Variants in KCNIP4 observed in about 807,000 individuals in gnomAD.
KCNIP4 encodes the protein Kv channel-interacting protein 4.
KCNIP4 carries 12 observed loss-of-function variants against 34.0 expected under a neutral mutation model. The observed-to-expected ratio is 0.35, with a 90% CI of 0.23 to 0.57. The LOEUF is 0.57. Ranked by LOEUF, KCNIP4 falls within the 20% of genes least tolerant of loss-of-function variation. KCNIP4 has a pLI of 0.83. For missense variants in KCNIP4, 238 were observed against 311.7 expected (o/e 0.76, Z 1.78); for synonymous variants, 124 against 102.2 (o/e 1.21, Z -1.29).
chr4:21,816,201 C>A (rs1343936515), intron 1 of KCNIP4, among the ~76,000 whole-genome samples: 1 of 152,146 alleles, frequency 6.6e-6, no homozygotes, highest in African/African-American at 2.4e-5. Flanking sequence ...AGAAGGGACA[C>A]TGCAAAAATG....
chr4:21,070,876 C>T (rs980061695), intron 1 of KCNIP4, among the ~76,000 whole-genome samples: 9 of 151,674 alleles, frequency 5.9e-5, no homozygotes, highest in East Asian at 2.0e-4. Context: ...GGGGTTTCAC[C>T]GTGTTAGCCA....
chr4:21,527,871 T>C (rs1393579379), intron 1 of KCNIP4, among the ~76,000 whole-genome samples: 2 of 152,148 alleles, frequency 1.3e-5, no homozygotes, highest in Non-Finnish European at 2.9e-5. Context: ...TTAACTACTG[T>C]ACCACAGGGT....
chr4:20,729,254 C>T lies in KCNIP4; in HGVS notation c.*828G>A, dbSNP rs1303822366. The T allele has an allele frequency of 3.3e-5, 5 of 151,760 alleles. No homozygotes were observed. The highest frequency in any genetic ancestry group is 5.9e-5 in the Non-Finnish European group (4 of 67,928). 9.4% of individuals were successfully genotyped at this position (151,760 alleles called of 1,614,324 possible). The stretch of plus-strand genomic sequence containing the variant: ...ATACTGGAGGATAGATATCCTGACC[C>T]TTTGCATATGTCTGTAAACATCCTT... On this transcript the variant is annotated 3_prime_UTR_variant, in exon 9 of 9. Coordinates refer to ENST00000382152, the MANE Select transcript of KCNIP4 (RefSeq NM_025221.6).
At chr4:20,909,741 C>T (rs1264843078) in intron 1 of KCNIP4, among the ~76,000 whole-genome samples, 1 of 152,130 alleles carries the variant, frequency 6.6e-6, no homozygotes, top group East Asian at 1.9e-4. Flanking sequence ...TGAGGTGATA[C>T]AATGAGACAC....
chr4:21,279,401 A>G (rs1406786081), intron 1 of KCNIP4, among the ~76,000 whole-genome samples: 1 of 151,924 alleles, frequency 6.6e-6, no homozygotes, highest in Non-Finnish European at 1.5e-5. Context: ...TCAATATTAA[A>G]TAAAAATATT....
intron 1 of KCNIP4, among the ~76,000 whole-genome samples, chr4:21,876,653 A>C (rs1390487410): frequency 6.6e-6 from 1 of 152,230 alleles, no homozygotes; most frequent in African/African-American, 2.4e-5. Context: ...AATAGATTTC[A>C]AGCAGACTGC....
At position 20,751,124 on chromosome 4, in the gene KCNIP4, A is replaced by G. The variant is rs189505300; in HGVS notation, c.359-1392T>C. 6.0e-4 allele frequency among the ~76,000 whole-genome samples: 91 copies of G among 152,312 alleles called. 1 individual carries two copies. The highest frequency in any genetic ancestry group is 2.1e-4 in the South Asian group (1 of 4,824). ...TTTCATGAGGTAGACTGTACACTCA[A>G]TTTCTCAAAATGACAGTGGCATCTT... On this transcript the variant is annotated intron_variant, in intron 4 of 8. Transcript: ENST00000382152.
intron 1 of KCNIP4, among the ~76,000 whole-genome samples, chr4:21,119,645 A>AT (rs1376461897): frequency 1.3e-5 from 2 of 151,906 alleles, no homozygotes; most frequent in Non-Finnish European, 2.9e-5. Flanking sequence ...CCTAATGTAC[A>AT]TTTTTAAATC....
At chr4:21,691,613 C>A (rs1049023616) in intron 1 of KCNIP4, among the ~76,000 whole-genome samples, 1 of 150,996 alleles carries the variant, frequency 6.6e-6, no homozygotes, top group Non-Finnish European at 1.5e-5. Flanking sequence ...AGTACTTAAA[C>A]GAGGCACTGA....
At chr4:20,882,490 T>C (rs1724804403) in intron 2 of KCNIP4, 118 bp downstream of exon 2, 2 of 719,410 alleles carry the variant, frequency 2.8e-6, no homozygotes, top group African/African-American at 1.8e-5. Flanking sequence ...CATGAGTACA[T>C]CAATAGATTG....
intron 1 of KCNIP4, among the ~76,000 whole-genome samples, chr4:21,711,571 G>C (rs1006677073): frequency 2.6e-5 from 4 of 152,148 alleles, no homozygotes; most frequent in African/African-American, 9.7e-5. Context: ...ACTAAAATGT[G>C]TAAAAATATA....
chr4:21,464,866 A>C (rs913080525), intron 1 of KCNIP4: 1 of 152,014 alleles, frequency 6.6e-6, no homozygotes, highest in Non-Finnish European at 1.5e-5. Flanking sequence ...CAATGCATCC[A>C]TCTCACTTAC....
At chr4:21,299,392 C>T (rs1764028582) in intron 1 of KCNIP4, among the ~76,000 whole-genome samples, 1 of 151,938 alleles carries the variant, frequency 6.6e-6, no homozygotes. Flanking sequence ...TCCAATAGTT[C>T]CCTTTTAGGC....
chr4:21,522,381 T>G (rs922744073), intron 1 of KCNIP4, among the ~76,000 whole-genome samples: 5 of 151,934 alleles, frequency 3.3e-5, no homozygotes, highest in African/African-American at 1.2e-4. Context: ...AGCCTCAACT[T>G]TTTTTTTCTT....
intron 1 of KCNIP4, among the ~76,000 whole-genome samples, chr4:20,910,703 T>A (rs1187919803): frequency 6.6e-6 from 1 of 152,214 alleles, no homozygotes; most frequent in African/African-American, 2.4e-5. Context: ...ACCAAGGTTA[T>A]CCATCCCCAT....
chr4:21,124,024 T>TA (rs772936248), intron 1 of KCNIP4, among the ~76,000 whole-genome samples: 329 of 136,570 alleles, frequency 2.4e-3, no homozygotes, highest in East Asian at 0.014. Flanking sequence ...ACATATTTTG[T>TA]AAAAAAACAA....
At chr4:21,476,636 C>T (rs1198970935) in intron 1 of KCNIP4, among the ~76,000 whole-genome samples, 1 of 152,086 alleles carries the variant, frequency 6.6e-6, no homozygotes, top group Non-Finnish European at 1.5e-5. Flanking sequence ...TTACGGCAAC[C>T]CAATAAATCC....
intron 1 of KCNIP4, among the ~76,000 whole-genome samples, chr4:20,980,045 G>A (rs375335724): frequency 6.6e-6 from 1 of 152,086 alleles, no homozygotes. Context: ...CCACTCCAAG[G>A]TCCTGTACGA....
intron 1 of KCNIP4, among the ~76,000 whole-genome samples, chr4:20,995,390 A>C (rs1737457811): frequency 6.6e-6 from 1 of 152,236 alleles, no homozygotes; most frequent in African/African-American, 2.4e-5. Flanking sequence ...GGCACAAAGC[A>C]AACACTCTGT....
Sources: gnomAD v4.1 joint callset for allele counts (sites outside exome capture counted in the v4.1 genomes callset) on GRCh38, gnomAD v4.1.1 for gene constraint, MANE v1.5 for transcripts, NCBI Gene and HGNC (gene_info 2026-07-23, HGNC 2026-07-21) for gene names.